DTNB: variants seen among roughly 807,000 people sequenced by gnomAD.
DTNB encodes DTN-B.
Under a neutral mutation model 90.7 loss-of-function variants are expected in DTNB, and 63 were observed. That is an observed-to-expected ratio of 0.69 (90% CI 0.57 to 0.86). DTNB has a LOEUF of 0.86. DTNB is among the 40% of genes least tolerant of loss of function. The pLI is 0.00. For missense variants in DTNB, 744 were observed against 807.1 expected, an observed-to-expected ratio of 0.92 and a Z score of 0.95; for synonymous variants, 277 against 286.7, an observed-to-expected ratio of 0.97 and a Z score of 0.34.
At chr2:25,536,785 C>A (rs1207906314) in intron 8 of DTNB, among the ~76,000 whole-genome samples, 2 of 152,100 alleles carry the variant, frequency 1.3e-5, no homozygotes, top group Non-Finnish European at 2.9e-5. Context: ...TATCTGTCAC[C>A]AGGCTGGAGT....
intron 12 of DTNB, among the ~76,000 whole-genome samples, chr2:25,450,430 T>C (rs2059109711): frequency 6.6e-6 from 1 of 152,260 alleles, no homozygotes; most frequent in African/African-American, 2.4e-5. Context: ...GCCAGTATCT[T>C]ACTTTCTTGA....
At chr2:25,620,006 C>T (rs2072035431) in intron 4 of DTNB, among the ~76,000 whole-genome samples, 1 of 152,016 alleles carries the variant, frequency 6.6e-6, no homozygotes, top group African/African-American at 2.4e-5. Context: ...CGCCACTGCA[C>T]TCCAGCCTGG....
intron 5 of DTNB, among the ~76,000 whole-genome samples, chr2:25,604,303 C>T (rs1296005171): frequency 6.6e-6 from 1 of 152,160 alleles, no homozygotes; most frequent in Admixed American, 6.5e-5. Flanking sequence ...ATCCTAAATG[C>T]ATCAGAAAAT....
chr2:25,397,383 A>AAGCC (rs1010317819), intron 16 of DTNB, among the ~76,000 whole-genome samples: 5 of 151,552 alleles, frequency 3.3e-5, no homozygotes, highest in Non-Finnish European at 1.5e-5. Flanking sequence ...TACGTGCAAG[A>AAGCC]AGCCAGTCAC....
chr2:25,386,716 G>T lies in DTNB; in HGVS notation c.1825+573C>A, dbSNP rs569384737. Among the ~76,000 whole-genome samples the T allele has an allele frequency of 1.3e-5, 2 of 152,200 alleles. 1 individual carries two copies. On this transcript the variant is annotated intron_variant, in intron 18 of 20. Transcript: ENST00000406818. Reference sequence around the variant, plus strand: ...CACTGAATTGGTGAGGTGATGGAGAGACTGAGAAAGAAGTCACAGATGAGC... The same window carrying T: ...CACTGAATTGGTGAGGTGATGGAGATACTGAGAAAGAAGTCACAGATGAGC...
chr2:25,524,514 C>A (rs1423090439), intron 9 of DTNB, among the ~76,000 whole-genome samples: 1 of 148,338 alleles, frequency 6.7e-6, no homozygotes, highest in East Asian at 2.0e-4. Context: ...TAGGTAGTAT[C>A]TTGTAGAGTT....
At chr2:25,590,490 G>A (rs1042485272) in intron 6 of DTNB, among the ~76,000 whole-genome samples, 3 of 152,112 alleles carry the variant, frequency 2.0e-5, no homozygotes, top group East Asian at 3.9e-4. Flanking sequence ...AGACTCTGGA[G>A]TGGGTAGCTT....
In DTNB at chr2:25,596,145, A is replaced by G. The variant is rs1176134431; in HGVS notation, c.544T>C (p.Phe182Leu). The G allele has an allele frequency of 1.9e-6, 3 of 1,613,446 alleles. No homozygotes were observed. Residue 182 changes from phenylalanine to leucine, a missense_variant, in exon 6 of 21, where the codon TTT becomes CTT. Phe to Leu is a conservative substitution (Grantham distance 22). Coordinates refer to ENST00000406818, the MANE Select transcript of DTNB (RefSeq NM_021907.5). ...GTGTAACCAAAAGATGGCCCTTCAA[A>G]GACAGCTGTTGGGAGCTTCAGAACT... ...KEVLKLPTAVFEGPSFGYTEH... is the reference protein window; with the variant it reads ...KEVLKLPTAVLEGPSFGYTEH...
chr2:25,433,130 C>T, intron 13 of DTNB, 131 bp from the exon 14 acceptor site: 2 of 854,020 alleles, frequency 2.3e-6, no homozygotes, highest in Non-Finnish European at 3.5e-6. Context: ...TCCAAATGGC[C>T]AAGAGGTGAA....
rs146251976 is a variant in DTNB at position 25,570,406 on chromosome 2, CAAAAA to C, written c.876+6427_876+6431del. Among the ~76,000 whole-genome samples, 548 of 89,928 alleles carry C rather than the reference CAAAAA, an allele frequency of 6.1e-3. 3 individuals carry two copies. The highest frequency in any genetic ancestry group is 0.026 in the African/African-American group (519 of 19,650). 59.0% of individuals were successfully genotyped at this position (89,928 alleles called of 152,430 possible). ...TGGACAATAGAGTGGTTTCCTGTCT[CAAAAA>C]AAAAAAAAAAAAAAAAAAAAGAAGA... On this transcript the variant is annotated intron_variant, in intron 8 of 20. Coordinates refer to ENST00000406818, the MANE Select transcript of DTNB (RefSeq NM_021907.5).
At chr2:25,544,041 G>A (rs773983307) in intron 8 of DTNB, among the ~76,000 whole-genome samples, 11 of 152,158 alleles carry the variant, frequency 7.2e-5, no homozygotes, top group African/African-American at 1.7e-4. Flanking sequence ...AGAAAGAACC[G>A]CTGGCAACTA....
intron 12 of DTNB, 59 bp downstream of exon 12, chr2:25,451,489 T>C (rs1482821012): frequency 5.9e-6 from 9 of 1,527,930 alleles, no homozygotes; most frequent in Non-Finnish European, 7.1e-6. Context: ...TCCCTTTCCA[T>C]TTGCATATTA....
At chr2:25,608,488 G>C (rs538469521) in intron 4 of DTNB, among the ~76,000 whole-genome samples, 1 of 152,196 alleles carries the variant, frequency 6.6e-6, no homozygotes, top group South Asian at 2.1e-4. Context: ...ATTAGAATGG[G>C]GTTTTTAAAA....
At chr2:25,619,952 A>T (rs1009448030) in intron 4 of DTNB, among the ~76,000 whole-genome samples, 1 of 152,112 alleles carries the variant, frequency 6.6e-6, no homozygotes, top group African/African-American at 2.4e-5. Context: ...AGGCAGAAGA[A>T]TCACTTGAAC....
chr2:25,518,042 G>A (rs1003859231), intron 9 of DTNB, among the ~76,000 whole-genome samples: 2 of 152,112 alleles, frequency 1.3e-5, no homozygotes, highest in South Asian at 2.1e-4. Context: ...AAAGTAGAAC[G>A]GTGGTCACAG....
At chr2:25,590,606 C>T (rs1306550891) in intron 6 of DTNB, among the ~76,000 whole-genome samples, 1 of 151,782 alleles carries the variant, frequency 6.6e-6, no homozygotes, top group African/African-American at 2.4e-5. Context: ...CTCTTCAGCT[C>T]TTAGCAGACA....
intron 16 of DTNB, among the ~76,000 whole-genome samples, chr2:25,413,366 C>T (rs1443673800): frequency 2.6e-5 from 4 of 151,808 alleles, no homozygotes; most frequent in Non-Finnish European, 2.9e-5. Context: ...GCTGCACCCA[C>T]TAACTCGTCA....
rs150006458 is a variant in DTNB, at chr2:25,619,354, C to A, written c.362+8817G>T. 3.1e-3 allele frequency among the ~76,000 whole-genome samples: 466 copies of A among 152,220 alleles called. 1 individual carries two copies. Among genetic ancestry groups the A allele is most frequent in the African/African-American group, 0.011 (446 of 41,534 alleles). The stretch of plus-strand genomic sequence containing the variant: ...TGATTTTCAAAAACTCGCATTCTGC[C>A]AATTAATCTTAATTTACAAAACTTC... On this transcript the variant is annotated intron_variant, in intron 4 of 20. Transcript: ENST00000406818.
chr2:25,402,149 G>A (rs2043892558), intron 16 of DTNB, among the ~76,000 whole-genome samples: 2 of 152,204 alleles, frequency 1.3e-5, no homozygotes, highest in Admixed American at 6.5e-5. Flanking sequence ...CTAGGAAGAT[G>A]CAGCTGTCTC....
Sources: gnomAD v4.1 joint callset for allele counts (sites outside exome capture counted in the v4.1 genomes callset) on GRCh38, gnomAD v4.1.1 for gene constraint, MANE v1.5 for transcripts, NCBI Gene and HGNC (gene_info 2026-07-23, HGNC 2026-07-21) for gene names.